The following SPICE1 variants were observed in gnomAD, a reference collection of about 807,000 sequenced individuals.
SPICE1 encodes spindle and centriole associated protein 1.
SPICE1 carries 75 observed loss-of-function variants against 102.7 expected under a neutral mutation model. The observed-to-expected ratio is 0.73, with a 90% CI of 0.61 to 0.88. The LOEUF (loss-of-function observed/expected upper bound fraction) is 0.88. Ranked by LOEUF, SPICE1 falls within the 40% of genes least tolerant of loss-of-function variation. The pLI is 0.00. For missense variants in SPICE1, 979 were observed against 1,020.1 expected, an observed-to-expected ratio of 0.96 and a Z score of 0.55; for synonymous variants, 308 against 350.3, an observed-to-expected ratio of 0.88 and a Z score of 1.35.
intron 4 of SPICE1, among the ~76,000 whole-genome samples, chr3:113,497,647 G>C (rs539076735): frequency 6.7e-6 from 1 of 148,974 alleles, no homozygotes; most frequent in Non-Finnish European, 1.5e-5. Context: ...TGGGTATAGA[G>C]TCCAGATATA....
chr3:113,468,454 T>A, intron 9 of SPICE1, 50 bp from the exon 10 acceptor site: 1 of 1,562,844 alleles, frequency 6.4e-7, no homozygotes, highest in Non-Finnish European at 8.7e-7. Context: ...AAATTATGAC[T>A]AGAAAACTAC....
chr3:113,468,474 C>A lies in SPICE1; in HGVS notation c.890-70G>T, dbSNP rs1045244268. The A allele has an allele frequency of 1.7e-5, 26 of 1,505,440 alleles. No homozygotes were observed. The African/African-American group carries it at 2.8e-4, about 16-fold the overall frequency. The allele number at this position is 1,505,440 out of a possible 1,614,324, so 93.3% of individuals were successfully genotyped here. A position where few individuals can be genotyped will look rare whatever the true frequency, so the allele number is the denominator to read the frequency against. ...ATGACTAGAAAACTACTAGAAAAAT[C>A]TTTTGACTATTGTTCACAATTTATA... On this transcript the variant is annotated intron_variant, in intron 9 of 17. Transcript: ENST00000295872.
In SPICE1 at chr3:113,484,094, T is replaced by G. The variant is rs1214061527; in HGVS notation, c.611+4851A>C. On this transcript the variant is annotated intron_variant, in intron 7 of 17. Transcript: ENST00000295872. ...TATTCAGGGATTCGACTTCTTCTGG[T>G]TTAGACTTGGGAGGGTGTATGTGTC... Among the ~76,000 whole-genome samples, 3 of 152,184 alleles carry G rather than the reference T, an allele frequency of 2.0e-5. No individual in the cohort carries two copies. In the East Asian group the frequency reaches 5.8e-4, roughly 29 times the overall value.
chr3:113,473,313 G>T (rs1936253432), intron 7 of SPICE1, among the ~76,000 whole-genome samples: 1 of 152,140 alleles, frequency 6.6e-6, no homozygotes, highest in African/African-American at 2.4e-5. Flanking sequence ...CGTCTGATTG[G>T]TGTACCTGAA....
chr3:113,489,228 T>C (rs1306076685), intron 6 of SPICE1, among the ~76,000 whole-genome samples, 165 bp from the exon 7 acceptor site: 2 of 152,094 alleles, frequency 1.3e-5, no homozygotes, highest in Non-Finnish European at 2.9e-5. Flanking sequence ...AATTATCCTA[T>C]CTCTCTACCA....
chr3:113,478,976 T>A (rs534294203), intron 7 of SPICE1, among the ~76,000 whole-genome samples: 8 of 152,264 alleles, frequency 5.3e-5, no homozygotes, highest in African/African-American at 7.2e-5. Context: ...GACAATTTTT[T>A]AAAAAATTAT....
intron 3 of SPICE1, among the ~76,000 whole-genome samples, chr3:113,500,149 G>C (rs1215396172): frequency 6.6e-6 from 1 of 152,192 alleles, no homozygotes; most frequent in African/African-American, 2.4e-5. Flanking sequence ...AGTTCCTGAA[G>C]TACAAGAAGA....
chr3:113,457,154 A>G lies in SPICE1; in HGVS notation c.1639T>C (p.Phe547Leu), dbSNP rs370099527. 2.0e-5 allele frequency: 33 copies of G among 1,614,192 alleles called. No homozygotes were observed. In the African/African-American group the frequency reaches 3.2e-4, roughly 16 times the overall value. Reference protein sequence around the residue: ...TPPRQKSNLKFSPLQDVLRRT... With the variant: ...TPPRQKSNLKLSPLQDVLRRT... ...GACTTACCGTCCTGAAGAGGAGAGA[A>G]TTTTAAGTTGCTCTTCTGCCTGGGT... The change falls in exon 13 of 18, where the codon TTC becomes CTC. Residue 547 changes from phenylalanine to leucine, a missense_variant. Physicochemically the swap from Phe to Leu is conservative, Grantham distance 22 (BLOSUM62 0). Coordinates refer to ENST00000295872, the MANE Select transcript of SPICE1 (RefSeq NM_144718.4).
rs115541253 is a variant in SPICE1 at position 113,478,263 on chromosome 3, T to C, written c.612-9025A>G. ...CAATTAAAAGAAGAATATTTCCAAATTGTCTAACAAGGCAAGACTGAACTC... is the reference window on the plus strand; with the variant it reads ...CAATTAAAAGAAGAATATTTCCAAACTGTCTAACAAGGCAAGACTGAACTC... On this transcript the variant is annotated intron_variant, in intron 7 of 17. Transcript: ENST00000295872. Among the ~76,000 whole-genome samples the C allele has an allele frequency of 8.1e-3, 1,239 of 152,224 alleles. 14 individuals are homozygous for C. Among genetic ancestry groups the C allele is most frequent in the African/African-American group, 0.028 (1,160 of 41,548 alleles).
intron 13 of SPICE1, among the ~76,000 whole-genome samples, chr3:113,454,481 G>A (rs1293158630): frequency 2.6e-5 from 4 of 152,046 alleles, no homozygotes; most frequent in African/African-American, 9.7e-5. Context: ...GGCCAAGGTC[G>A]GCAGATCACC....
At chr3:113,464,764 T>C (rs1936013598) in intron 11 of SPICE1, among the ~76,000 whole-genome samples, 1 of 152,130 alleles carries the variant, frequency 6.6e-6, no homozygotes, top group African/African-American at 2.4e-5. Context: ...CATATAAGTA[T>C]AAAACAATTT....
chr3:113,473,412 T>C (rs1273952470), intron 7 of SPICE1, among the ~76,000 whole-genome samples: 1 of 151,906 alleles, frequency 6.6e-6, no homozygotes, highest in Non-Finnish European at 1.5e-5. Flanking sequence ...CAGGCCAACA[T>C]TCAGATTCAG....
At chr3:113,501,045 A>T (rs1936998221) in intron 3 of SPICE1, among the ~76,000 whole-genome samples, 1 of 152,228 alleles carries the variant, frequency 6.6e-6, no homozygotes, top group African/African-American at 2.4e-5. Context: ...ACAATGTGGT[A>T]CTGGCATAAG....
intron 6 of SPICE1, among the ~76,000 whole-genome samples, chr3:113,491,122 C>G (rs1936754117): frequency 6.6e-6 from 1 of 152,174 alleles, no homozygotes; most frequent in Admixed American, 6.5e-5. Context: ...TCTCTCTAAC[C>G]TCAACTCCTG....
At chr3:113,478,271 C>T (rs1273626717) in intron 7 of SPICE1, among the ~76,000 whole-genome samples, 1 of 152,128 alleles carries the variant, frequency 6.6e-6, no homozygotes, top group East Asian at 1.9e-4. Flanking sequence ...AATTGTCTAA[C>T]AAGGCAAGAC....
chr3:113,452,094 T>C (rs1240901260), intron 14 of SPICE1, among the ~76,000 whole-genome samples: 1 of 152,210 alleles, frequency 6.6e-6, no homozygotes, highest in Non-Finnish European at 1.5e-5. Context: ...AGCTCTTTTA[T>C]AAACCCTCCC....
rs140358154 is a variant in SPICE1, at chr3:113,473,581, G to A, written c.612-4343C>T. Among the ~76,000 whole-genome samples, 1,281 of 152,222 alleles carry A rather than the reference G, an allele frequency of 8.4e-3. 24 individuals carry two copies. Among genetic ancestry groups the A allele is most frequent in the African/African-American group, 0.029 (1,208 of 41,530 alleles). ...AAGGGAAGACCATCAGACTAACAGC[G>A]GATCTCTCGGCAGAAACTCTACAAG... On this transcript the variant is annotated intron_variant, in intron 7 of 17. Transcript: ENST00000295872.
chr3:113,466,228 A>G (rs1419310556), intron 10 of SPICE1, among the ~76,000 whole-genome samples: 1 of 152,238 alleles, frequency 6.6e-6, no homozygotes, highest in Admixed American at 6.5e-5. Context: ...GCCAATTCAA[A>G]AATTAAGCTT....
intron 7 of SPICE1, among the ~76,000 whole-genome samples, chr3:113,472,539 T>A (rs1413958977): frequency 6.6e-6 from 1 of 152,124 alleles, no homozygotes; most frequent in African/African-American, 2.4e-5. Context: ...CAACCCCCAG[T>A]AGGGGCAGAC....
Sources: allele counts gnomAD v4.1 joint callset (sites outside exome capture counted in the v4.1 genomes callset), GRCh38; gene constraint gnomAD v4.1.1; transcripts MANE v1.5; gene names NCBI Gene and HGNC (gene_info 2026-07-23, HGNC 2026-07-21).